The following COL28A1 variants were observed in gnomAD, a reference collection of about 807,000 sequenced individuals.
COL28A1 encodes the protein collagen alpha-1(XXVIII) chain.
Under a neutral mutation model 150.2 loss-of-function variants are expected in COL28A1, and 161 were observed. The ratio of observed to expected loss-of-function variants is 1.07; its 90% CI spans 0.94 to 1.22. The LOEUF is 1.22. Among genes scored for constraint, COL28A1 ranks in the 50% most tolerant of loss-of-function variants. The pLI, the probability that COL28A1 is intolerant of heterozygous loss-of-function variation, is 0.00. For synonymous variants in COL28A1, 552 were observed against 469.7 expected (o/e 1.18, Z -2.26); for missense variants, 1,617 against 1,388.3 (o/e 1.16, Z -2.62).
At chr7:7,495,343 A>G (rs1780149539) in intron 11 of COL28A1, among the ~76,000 whole-genome samples, 1 of 152,158 alleles carries the variant, frequency 6.6e-6, no homozygotes, top group East Asian at 1.9e-4. Flanking sequence ...CTTATTGGGC[A>G]CTGCGGTTTA....
chr7:7,424,428 C>A (rs759532225), intron 25 of COL28A1, among the ~76,000 whole-genome samples: 1 of 152,092 alleles, frequency 6.6e-6, no homozygotes, highest in Non-Finnish European at 1.5e-5. Context: ...TAAGGCAGCA[C>A]CGTAGGTACC....
chr7:7,487,259 A>T (rs6945969), intron 13 of COL28A1, among the ~76,000 whole-genome samples: 15,329 of 152,224 alleles, frequency 0.1, 928 homozygotes, highest in Middle Eastern at 0.21. Flanking sequence ...AGTTCTTTGG[A>T]AAAAACAATC....
chr7:7,494,279 A>G (rs544594734), intron 11 of COL28A1, among the ~76,000 whole-genome samples: 1 of 151,882 alleles, frequency 6.6e-6, no homozygotes, highest in East Asian at 1.9e-4. Flanking sequence ...TTTTTTTCGA[A>G]CTCCTTTCCT....
At chr7:7,540,519 C>G (rs1782765618), upstream of COL28A1, among the ~76,000 whole-genome samples, 1 of 152,184 alleles carries the variant, frequency 6.6e-6, no homozygotes, top group South Asian at 2.1e-4. Context: ...AAGACCCACC[C>G]AAAGGTCAAA....
downstream of COL28A1, chr7:7,357,535 T>G (rs1296646105): frequency 6.6e-6 from 1 of 152,026 alleles, no homozygotes; most frequent in Non-Finnish European, 1.5e-5. Flanking sequence ...GGCGCATGCT[T>G]GTAATCCCAG....
At chr7:7,342,868 G>C in the COL28A1 span, among the ~76,000 whole-genome samples, 1 of 151,476 alleles carries the variant, frequency 6.6e-6, no homozygotes, top group Non-Finnish European at 1.5e-5. Flanking sequence ...TTTTCCACTG[G>C]GAATCATTTT....
intron 27 of COL28A1, among the ~76,000 whole-genome samples, chr7:7,397,468 T>C (rs4724985): frequency 0.94 from 143,316 of 152,272 alleles, 67,504 homozygotes; most frequent in East Asian, 1. Context: ...AACCATTATT[T>C]AGCTTACCAC....
intron 27 of COL28A1, among the ~76,000 whole-genome samples, chr7:7,412,577 A>G (rs1783850668): frequency 1.3e-5 from 2 of 152,124 alleles, no homozygotes; most frequent in South Asian, 4.1e-4. Context: ...AACATTTTCC[A>G]TATATATAAC....
intron 18 of COL28A1, among the ~76,000 whole-genome samples, chr7:7,450,993 T>A (rs1562693288): frequency 6.6e-6 from 1 of 152,124 alleles, no homozygotes; most frequent in African/African-American, 2.4e-5. Flanking sequence ...TGGGAAATTA[T>A]AAAAACTTCA....
At chr7:7,391,072 G>C (rs34977692) in intron 27 of COL28A1, among the ~76,000 whole-genome samples, 3 of 152,054 alleles carry the variant, frequency 2.0e-5, no homozygotes, top group Non-Finnish European at 2.9e-5. Flanking sequence ...CGATGTTAGG[G>C]TGTCGATTTT....
chr7:7,525,075 A>T (rs867705940), intron 3 of COL28A1, among the ~76,000 whole-genome samples: 1 of 152,258 alleles, frequency 6.6e-6, no homozygotes, highest in South Asian at 2.1e-4. Context: ...GAAAAGTAAT[A>T]CATATTTCAT....
At chr7:7,528,376 A>G (rs1782147476) in intron 3 of COL28A1, among the ~76,000 whole-genome samples, 1 of 152,194 alleles carries the variant, frequency 6.6e-6, no homozygotes, top group African/African-American at 2.4e-5. Context: ...GTCTTCTTCA[A>G]TTTGGAGTCA....
intron 23 of COL28A1, among the ~76,000 whole-genome samples, chr7:7,434,460 A>G (rs992686807): frequency 2.0e-5 from 3 of 152,218 alleles, no homozygotes; most frequent in African/African-American, 7.2e-5. Flanking sequence ...AGGGCCAACA[A>G]CAAACTAAAG....
chr7:7,355,402 G>C (rs1425806528), downstream of COL28A1, among the ~76,000 whole-genome samples: 3 of 152,060 alleles, frequency 2.0e-5, no homozygotes, highest in Non-Finnish European at 4.4e-5. Flanking sequence ...TTGAGGCCAG[G>C]AGTTCAAGAC....
intron 23 of COL28A1, among the ~76,000 whole-genome samples, chr7:7,434,175 CT>C (rs1209557990): frequency 6.6e-6 from 1 of 152,126 alleles, no homozygotes; most frequent in Non-Finnish European, 1.5e-5. Flanking sequence ...GAATGATCAT[CT>C]TTAGGAAATA....
chr7:7,384,093 G>C (rs1490189053), intron 27 of COL28A1, among the ~76,000 whole-genome samples: 1 of 152,088 alleles, frequency 6.6e-6, no homozygotes, highest in African/African-American at 2.4e-5. Context: ...TGGTGTTATG[G>C]TATTGCCTCC....
chr7:7,396,117 A>G (rs151046562), intron 27 of COL28A1, among the ~76,000 whole-genome samples: 367 of 152,310 alleles, frequency 2.4e-3, no homozygotes, highest in Admixed American at 5.4e-3. Flanking sequence ...TAGCCTTTCT[A>G]GTACATAAAA....
intron 33 of COL28A1, among the ~76,000 whole-genome samples, chr7:7,368,410 G>C (rs1319859714): frequency 7.5e-6 from 1 of 132,682 alleles, no homozygotes; most frequent in African/African-American, 4.2e-5. Context: ...TTTTTGCTAG[G>C]AATACCCTTC....
chr7:7,487,346 G>T (rs146494106), intron 13 of COL28A1, among the ~76,000 whole-genome samples: 31 of 152,268 alleles, frequency 2.0e-4, no homozygotes, highest in African/African-American at 7.2e-4. Context: ...GGGAGGCAGA[G>T]GTGGGTTCAT....
Sources: gnomAD v4.1 joint callset for allele counts (sites outside exome capture counted in the v4.1 genomes callset) on GRCh38, gnomAD v4.1.1 for gene constraint, MANE v1.5 for transcripts, NCBI Gene and HGNC (gene_info 2026-07-23, HGNC 2026-07-21) for gene names.